The following ATXN7 variants were observed in gnomAD, a reference collection of about 807,000 sequenced individuals.
ATXN7 encodes the protein ataxin-7.
ATXN7 carries 12 observed loss-of-function variants against 70.5 expected under a neutral mutation model. That is an observed-to-expected ratio of 0.17 (90% CI 0.11 to 0.28). The LOEUF is 0.28. Ranked by LOEUF, ATXN7 falls within the 10% of genes least tolerant of loss-of-function variation. The pLI, the probability that ATXN7 is intolerant of heterozygous loss-of-function variation, is 1.00. For missense variants in ATXN7, 1,256 were observed against 1,131.7 expected (o/e 1.11, Z -1.58); for synonymous variants, 498 against 448.7 (o/e 1.11, Z -1.39).
At chr3:63,947,194 G>A (rs1022919804) in intron 4 of ATXN7, among the ~76,000 whole-genome samples, 3 of 152,200 alleles carry the variant, frequency 2.0e-5, no homozygotes, top group Non-Finnish European at 2.9e-5. Flanking sequence ...CTAGGGCCAG[G>A]TGCATTTCTA....
At chr3:63,932,372 A>G (rs781486272) in intron 4 of ATXN7, among the ~76,000 whole-genome samples, 1 of 152,170 alleles carries the variant, frequency 6.6e-6, no homozygotes, top group South Asian at 2.1e-4. Flanking sequence ...CCACATAGGC[A>G]TGCATCATTT....
chr3:63,988,584 T>C (rs2075616383), intron 9 of ATXN7: 3 of 428,678 alleles, frequency 7.0e-6, no homozygotes, highest in Non-Finnish European at 8.2e-6. Flanking sequence ...ATCAAGTGTC[T>C]CAACTCTGTT....
intron 5 of ATXN7, among the ~76,000 whole-genome samples, chr3:63,975,644 G>A (rs1391443767): frequency 6.6e-6 from 1 of 152,088 alleles, no homozygotes; most frequent in African/African-American, 2.4e-5. Context: ...TTTTTGGTGT[G>A]TACCTGGATG....
In ATXN7 at chr3:63,952,460, C is replaced by T. The variant is rs1326557212; in HGVS notation, c.476C>T (p.Pro159Leu). The T allele has an allele frequency of 1.1e-5, 18 of 1,610,464 alleles. No individual in the cohort carries two copies. Among genetic ancestry groups the T allele is most frequent in the Admixed American group, 3.4e-5 (2 of 58,910 alleles). ...AACGACTGTAATCAGGTTGTCAAAC[C>T]GCAGGCATTTCAATCACATTATGGT... ...VCNDCNQVVK[P>L]QAFQSHYERR... The change falls in exon 5 of 13, where the codon CCG becomes CTG. Residue 159 changes from proline to leucine, a missense_variant. Pro to Leu is a moderately conservative substitution (Grantham distance 98). Transcript: ENST00000674280.
chr3:63,962,923 TTTTC>T (rs1484454585), intron 5 of ATXN7, among the ~76,000 whole-genome samples: 5 of 150,924 alleles, frequency 3.3e-5, no homozygotes, highest in Admixed American at 2.6e-4. Flanking sequence ...TTTTTTTTTT[TTTTC>T]TTCTTCAAGA....
intron 5 of ATXN7, among the ~76,000 whole-genome samples, chr3:63,959,954 C>T (rs1469714612): frequency 6.6e-6 from 1 of 152,050 alleles, no homozygotes; most frequent in Non-Finnish European, 1.5e-5. Context: ...TTTCATGCAC[C>T]TTATATTCTG....
At position 63,881,407 on chromosome 3, in the gene ATXN7, A is replaced by T. The variant is rs988964447; in HGVS notation, c.-110-16992A>T. Among the ~76,000 whole-genome samples the T allele has an allele frequency of 2.6e-5, 4 of 152,128 alleles. No homozygotes were observed. In the East Asian group the frequency reaches 7.7e-4, roughly 29 times the overall value. ...TTCTGAAGAAGTTAGTTGGGTCTAG[A>T]AGCAGCCAGAAGTGCAAATACTCTA... is the stretch of plus-strand genomic sequence containing the variant. On this transcript the variant is annotated intron_variant, in intron 1 of 12. Transcript: ENST00000674280.
intron 4 of ATXN7, among the ~76,000 whole-genome samples, chr3:63,935,927 A>C (rs974377510): frequency 6.6e-6 from 1 of 152,182 alleles, no homozygotes; most frequent in African/African-American, 2.4e-5. Context: ...GTTGCATCTT[A>C]AGTGTTGTTA....
intron 4 of ATXN7, among the ~76,000 whole-genome samples, chr3:63,930,789 C>G (rs112646629): frequency 0.019 from 2,893 of 152,198 alleles, 98 homozygotes; most frequent in African/African-American, 0.063. Flanking sequence ...CTTGGCCTCT[C>G]AAAGTGCTGG....
chr3:64,002,045 T>C lies in ATXN7; in HGVS notation c.*2578T>C, dbSNP rs2075838508. ...TGCTGCAATGATGAACAAAGAATTA[T>C]ACAAAACCTACTTTTGTATCTTTAT... On this transcript the variant is annotated 3_prime_UTR_variant, in exon 13 of 13. Coordinates refer to ENST00000674280, the MANE Select transcript of ATXN7 (RefSeq NM_001377405.1). The C allele has an allele frequency of 6.6e-6, 1 of 152,326 alleles. No individual in the cohort carries two copies. Among genetic ancestry groups the C allele is most frequent in the Non-Finnish European group, 1.5e-5 (1 of 67,974 alleles). 9.4% of individuals were successfully genotyped at this position (152,326 alleles called of 1,614,324 possible). A position where few individuals can be genotyped will look rare whatever the true frequency, so the allele number is the denominator to read the frequency against.
chr3:63,997,000 T>C (rs945018594), intron 12 of ATXN7, among the ~76,000 whole-genome samples: 16 of 152,338 alleles, frequency 1.1e-4, no homozygotes, highest in Admixed American at 3.3e-4. Flanking sequence ...CTCACGCCTA[T>C]AATCCCAGCA....
intron 4 of ATXN7, among the ~76,000 whole-genome samples, chr3:63,938,683 T>G (rs1171800524): frequency 6.6e-6 from 1 of 152,200 alleles, no homozygotes; most frequent in East Asian, 1.9e-4. Context: ...ACCATGAGTA[T>G]TTATGGAATG....
At chr3:63,870,118 G>A (rs1012067916) in intron 1 of ATXN7, among the ~76,000 whole-genome samples, 4 of 152,166 alleles carry the variant, frequency 2.6e-5, no homozygotes, top group African/African-American at 9.7e-5. Flanking sequence ...ACTCAGCTCT[G>A]CCATGATAGC....
At chr3:63,894,098 C>G (rs1450040591) in intron 1 of ATXN7, among the ~76,000 whole-genome samples, 1 of 152,168 alleles carries the variant, frequency 6.6e-6, no homozygotes, top group East Asian at 1.9e-4. Context: ...TTTGGGGACA[C>G]AAGCATGGCT....
At chr3:63,890,464 T>A (rs1398300136) in intron 1 of ATXN7, among the ~76,000 whole-genome samples, 1 of 152,186 alleles carries the variant, frequency 6.6e-6, no homozygotes, top group Non-Finnish European at 1.5e-5. Flanking sequence ...CAATGTAACA[T>A]GTATAACAGG....
chr3:63,970,573 G>A (rs1230246084), intron 5 of ATXN7, among the ~76,000 whole-genome samples: 1 of 152,162 alleles, frequency 6.6e-6, no homozygotes, highest in Non-Finnish European at 1.5e-5. Flanking sequence ...CAGGGAAGGA[G>A]TATCCCCCAG....
At chr3:63,882,505 C>G (rs966362520) in intron 1 of ATXN7, among the ~76,000 whole-genome samples, 1 of 151,350 alleles carries the variant, frequency 6.6e-6, no homozygotes, top group South Asian at 2.1e-4. Flanking sequence ...GTGTCTCAGT[C>G]TCGCAAGTAG....
At chr3:63,998,756 G>A (rs2075800248) in intron 12 of ATXN7, 2 of 931,448 alleles carry the variant, frequency 2.1e-6, no homozygotes, top group Non-Finnish European at 1.3e-6. Context: ...GAATCTCAAA[G>A]GGACTCGTGA....
chr3:63,975,560 C>CT (rs1473104929), intron 5 of ATXN7, among the ~76,000 whole-genome samples: 2 of 152,050 alleles, frequency 1.3e-5, no homozygotes, highest in African/African-American at 4.8e-5. Context: ...CAGTTGCTCA[C>CT]TGTAAATTAT....
Sources: allele counts gnomAD v4.1 joint callset (sites outside exome capture counted in the v4.1 genomes callset), GRCh38; gene constraint gnomAD v4.1.1; transcripts MANE v1.5; gene names NCBI Gene and HGNC (gene_info 2026-07-23, HGNC 2026-07-21).